The following CIMIP1 variants were observed in gnomAD, a reference collection of about 807,000 sequenced individuals.
CIMIP1 encodes the protein ciliary microtubule inner protein 1, also known as low in lung cancer 1.
At chr20:58,150,979 T>C in the CIMIP1 span, 7 of 1,608,064 alleles carry the variant, frequency 4.4e-6, no homozygotes, top group Non-Finnish European at 5.1e-6. Flanking sequence ...CGCAGAAACC[T>C]CTCAGCACCG....
chr20:58,160,575 T>C, the CIMIP1 span: 1 of 1,434,724 alleles, frequency 7.0e-7, no homozygotes, highest in Non-Finnish European at 9.3e-7. Flanking sequence ...CTTTCTGTCT[T>C]TTCCACCCCT....
At chr20:58,158,945 T>G in the CIMIP1 span, among the ~76,000 whole-genome samples, 1 of 152,188 alleles carries the variant, frequency 6.6e-6, no homozygotes, top group Non-Finnish European at 1.5e-5. Flanking sequence ...CTTAGAAGTT[T>G]GTCTCATCCT....
the CIMIP1 span, among the ~76,000 whole-genome samples, chr20:58,156,826 C>T: frequency 2.0e-5 from 3 of 152,080 alleles, no homozygotes; most frequent in Admixed American, 1.3e-4. Flanking sequence ...GGTGGTTCTG[C>T]GTGCTGATGG....
At chr20:58,158,684 C>T in the CIMIP1 span, among the ~76,000 whole-genome samples, 1 of 152,052 alleles carries the variant, frequency 6.6e-6, no homozygotes, top group Non-Finnish European at 1.5e-5. Context: ...TTCCTTCTTC[C>T]ACCTTTCTTC....
At chr20:58,151,086 C>G in the CIMIP1 span, 1 of 1,495,666 alleles carries the variant, frequency 6.7e-7, no homozygotes, top group Non-Finnish European at 9.2e-7. Flanking sequence ...CTGAAGTGTC[C>G]ACATCTGGGG....
chr20:58,152,427 T>TAA, the CIMIP1 span, among the ~76,000 whole-genome samples: 903 of 147,844 alleles, frequency 6.1e-3, 16 homozygotes, highest in East Asian at 0.082. Flanking sequence ...ATGATTTATT[T>TAA]AAAAAAAAAA....
chr20:58,151,661 C>A, the CIMIP1 span, among the ~76,000 whole-genome samples: 1 of 152,214 alleles, frequency 6.6e-6, no homozygotes, highest in East Asian at 1.9e-4. Flanking sequence ...GATCCACCCG[C>A]CTCGGCCTCC....
At chr20:58,152,687 A>C in the CIMIP1 span, among the ~76,000 whole-genome samples, 1 of 139,072 alleles carries the variant, frequency 7.2e-6, no homozygotes, top group Non-Finnish European at 1.5e-5. Flanking sequence ...GTGCCATCGC[A>C]CTCCATCCTA....
chr20:58,159,711 G>T, the CIMIP1 span, among the ~76,000 whole-genome samples: 2 of 152,138 alleles, frequency 1.3e-5, no homozygotes, highest in African/African-American at 2.4e-5. Flanking sequence ...GGCCTGGCTG[G>T]ACAAACAGCT....
the CIMIP1 span, among the ~76,000 whole-genome samples, chr20:58,160,414 A>G: frequency 6.6e-6 from 1 of 152,172 alleles, no homozygotes; most frequent in East Asian, 1.9e-4. Context: ...AATAAAAATT[A>G]TTTTGCTGGA....
the CIMIP1 span, among the ~76,000 whole-genome samples, chr20:58,156,181 A>G: frequency 6.6e-6 from 1 of 152,214 alleles, no homozygotes; most frequent in African/African-American, 2.4e-5. Flanking sequence ...GAGAACCAAC[A>G]TTAACCAAGA....
the CIMIP1 span, among the ~76,000 whole-genome samples, chr20:58,152,384 A>C: frequency 6.6e-6 from 1 of 151,972 alleles, no homozygotes. Context: ...AATTGGGTTC[A>C]GCCGTTAAGT....
At chr20:58,158,204 T>TGAGAGACTC in the CIMIP1 span, among the ~76,000 whole-genome samples, 7 of 152,248 alleles carry the variant, frequency 4.6e-5, no homozygotes, top group African/African-American at 1.7e-4. Context: ...TTATCTCCTG[T>TGAGAGACTC]GAGAGACTCC....
chr20:58,159,183 C>CTCTT, the CIMIP1 span, among the ~76,000 whole-genome samples: 1 of 104,084 alleles, frequency 9.6e-6, no homozygotes, highest in African/African-American at 3.8e-5. Flanking sequence ...GCACTTTCTT[C>CTCTT]TTTTTTTTTT....
At chr20:58,155,157 TC>T in the CIMIP1 span, among the ~76,000 whole-genome samples, 1 of 152,154 alleles carries the variant, frequency 6.6e-6, no homozygotes, top group East Asian at 1.9e-4. Context: ...TTTCTCAAAT[TC>T]CCCCACAGGG....
At chr20:58,156,572 A>G in the CIMIP1 span, among the ~76,000 whole-genome samples, 5 of 152,178 alleles carry the variant, frequency 3.3e-5, no homozygotes, top group African/African-American at 1.2e-4. Context: ...AAGCAGGGCC[A>G]TGGAAAGGCA....
chr20:58,155,833 C>T, the CIMIP1 span, among the ~76,000 whole-genome samples: 1 of 152,190 alleles, frequency 6.6e-6, no homozygotes, highest in Admixed American at 6.5e-5. Context: ...GGTCTTCATG[C>T]GTTCTTTCAG....
the CIMIP1 span, chr20:58,160,775 G>A: frequency 1.2e-6 from 2 of 1,613,958 alleles, no homozygotes; most frequent in South Asian, 2.2e-5. Flanking sequence ...AAGCTGCAAA[G>A]GTGCTTTTGC....
At chr20:58,155,045 A>G in the CIMIP1 span, among the ~76,000 whole-genome samples, 1 of 152,218 alleles carries the variant, frequency 6.6e-6, no homozygotes, top group African/African-American at 2.4e-5. Flanking sequence ...AGCTCAAGCA[A>G]TCCTCCCACC....
Sources: gnomAD v4.1 joint callset for allele counts (sites outside exome capture counted in the v4.1 genomes callset) on GRCh38, gnomAD v4.1.1 for gene constraint, MANE v1.5 for transcripts, NCBI Gene and HGNC (gene_info 2026-07-23, HGNC 2026-07-21) for gene names.